ERCC6: variants seen among roughly 807,000 people sequenced by gnomAD.
ERCC6 encodes the protein DNA excision repair protein ERCC-6.
Under a neutral mutation model 158.7 loss-of-function variants are expected in ERCC6, and 116 were observed. The observed-to-expected ratio is 0.73, with a 90% CI of 0.63 to 0.85. The LOEUF (loss-of-function observed/expected upper bound fraction) is 0.85, where lower values mean the gene tolerates loss of function less well. Among genes scored for constraint, ERCC6 ranks in the 40% least tolerant of loss-of-function variants. ERCC6 has a pLI of 0.00. For synonymous variants in ERCC6, 678 were observed against 659.3 expected (o/e 1.03, Z -0.43); for missense variants, 1,698 against 1,799.4 (o/e 0.94, Z 1.02).
At chr10:49,525,912 C>T (rs1345759237) in intron 4 of ERCC6, among the ~76,000 whole-genome samples, 1 of 151,344 alleles carries the variant, frequency 6.6e-6, no homozygotes, top group Non-Finnish European at 1.5e-5. Context: ...ATGTTTGTGC[C>T]CTGTGTCCAC....
In ERCC6 at chr10:49,458,892, G is replaced by A; in HGVS notation, c.4405C>T (p.Leu1469=). The A allele has an allele frequency of 6.2e-7, 1 of 1,614,186 alleles. No individual in the cohort carries two copies. Among genetic ancestry groups the A allele is most frequent in the Non-Finnish European group, 8.5e-7 (1 of 1,180,026 alleles). ...TGGAAAGTGCACAGATTTCTCAATA[G>A]TTCTCGGAAGACACAAGACTGTGAT... ...SASQSCVFRE[L]LRNLCTFHRT... Residue 1469 remains leucine, a synonymous_variant, in exon 21 of 21, where the codon CTA becomes TTA. Coordinates refer to ENST00000355832, the MANE Select transcript of ERCC6 (RefSeq NM_000124.4).
the ERCC6 span, among the ~76,000 whole-genome samples, chr10:49,441,932 C>A: frequency 2.0e-5 from 3 of 152,222 alleles, no homozygotes; most frequent in African/African-American, 7.2e-5. Context: ...AGCAAAACTT[C>A]GTCCTGTGAG....
chr10:49,536,586 T>G (rs1180366031), intron 1 of ERCC6, among the ~76,000 whole-genome samples: 1 of 152,128 alleles, frequency 6.6e-6, no homozygotes, highest in Non-Finnish European at 1.5e-5. Context: ...AAGTTGGCAC[T>G]GGGGCTAAAG....
At chr10:49,527,204 C>A (rs1301502744) in intron 4 of ERCC6, among the ~76,000 whole-genome samples, 1 of 152,140 alleles carries the variant, frequency 6.6e-6, no homozygotes, top group Non-Finnish European at 1.5e-5. Flanking sequence ...TAGCTATTAA[C>A]CCTAAGAGGT....
At position 49,457,418 on chromosome 10, in the gene ERCC6, T is replaced by G. The variant is rs1850500911; in HGVS notation, c.*1397A>C. 1.3e-5 allele frequency: 2 copies of G among 152,240 alleles called. No homozygotes were observed. The highest frequency in any genetic ancestry group is 4.1e-4 in the South Asian group (2 of 4,834). The allele number at this position is 152,240 out of a possible 1,614,324, so 9.4% of individuals were successfully genotyped here. A position where few individuals can be genotyped will look rare whatever the true frequency, so the allele number is the denominator to read the frequency against. On this transcript the variant is annotated 3_prime_UTR_variant, in exon 21 of 21. Coordinates refer to ENST00000355832, the MANE Select transcript of ERCC6 (RefSeq NM_000124.4). ...TAGAACATCTCTAAGAAAAGGATTC[T>G]TGGCTTAAGCAAAATATTAGAGCAG...
chr10:49,524,004 C>T (rs1467949772), intron 5 of ERCC6, 29 bp downstream of exon 5: 2 of 1,610,990 alleles, frequency 1.2e-6, no homozygotes, highest in Admixed American at 1.7e-5. Context: ...GCAAACAGTA[C>T]AATGTATTTA....
chr10:49,515,870 A>G (rs772030276), intron 5 of ERCC6: 16 of 1,614,088 alleles, frequency 9.9e-6, no homozygotes, highest in Non-Finnish European at 1.3e-5. Context: ...CAACACTGTT[A>G]TCATTCCATC....
chr10:49,512,995 C>G (rs1389863289), intron 5 of ERCC6, among the ~76,000 whole-genome samples: 1 of 152,218 alleles, frequency 6.6e-6, no homozygotes, highest in East Asian at 1.9e-4. Context: ...ATTATACACC[C>G]TCCTTCACGG....
In ERCC6 at chr10:49,532,793, C is replaced by T; in HGVS notation, c.172G>A (p.Ala58Thr). 6.2e-7 allele frequency: 1 copy of T among 1,614,230 alleles called. No individual in the cohort carries two copies. The highest frequency in any genetic ancestry group is 8.5e-7 in the Non-Finnish European group (1 of 1,180,036). ...RSVGDGLSTS[A>T]VGCASAAPRR... ...GGAGCTGCTGATGCGCACCCCACAGCAGAGGTGGACAGCCCGTCACCCACA... is the reference window on the plus strand; with the variant it reads ...GGAGCTGCTGATGCGCACCCCACAGTAGAGGTGGACAGCCCGTCACCCACA... Residue 58 changes from alanine to threonine, a missense_variant, in exon 2 of 21, where the codon GCT becomes ACT. Coordinates refer to ENST00000355832, the MANE Select transcript of ERCC6 (RefSeq NM_000124.4).
At chr10:49,459,733 A>G (rs1304072326) in intron 20 of ERCC6, among the ~76,000 whole-genome samples, 3 of 152,192 alleles carry the variant, frequency 2.0e-5, no homozygotes, top group Admixed American at 1.3e-4. Context: ...AAAAAACACA[A>G]ATCTAACTCT....
chr10:49,480,425 A>C (rs182474210), intron 10 of ERCC6, among the ~76,000 whole-genome samples: 9 of 152,354 alleles, frequency 5.9e-5, no homozygotes, highest in African/African-American at 2.2e-4. Context: ...ATACCGGCAC[A>C]CAGACTATCT....
chr10:49,505,777 G>GC, intron 6 of ERCC6, 107 bp downstream of exon 6: 1 of 1,349,654 alleles, frequency 7.4e-7, no homozygotes, highest in Non-Finnish European at 1.0e-6. Context: ...ACAAATTGCT[G>GC]CAAGTACCTT....
chr10:49,522,795 A>G (rs951942971), intron 5 of ERCC6, among the ~76,000 whole-genome samples: 7 of 152,232 alleles, frequency 4.6e-5, no homozygotes, highest in African/African-American at 1.7e-4. Flanking sequence ...ACATTCCTCA[A>G]ACAACTTCAC....
At chr10:49,483,297 T>TA (rs761818774) in intron 9 of ERCC6, 49 bp downstream of exon 9, 42 of 1,568,774 alleles carry the variant, frequency 2.7e-5, no homozygotes, top group Non-Finnish European at 3.7e-5. Flanking sequence ...TATTCTGAAT[T>TA]AATTATTCTT....
At chr10:49,533,141 G>A (rs1475253434) in intron 1 of ERCC6, among the ~76,000 whole-genome samples, 163 bp from the exon 2 acceptor site, 1 of 152,144 alleles carries the variant, frequency 6.6e-6, no homozygotes, top group African/African-American at 2.4e-5. Flanking sequence ...AAGGGACAAC[G>A]TATCTTCTTG....
intron 8 of ERCC6, among the ~76,000 whole-genome samples, chr10:49,490,778 T>G (rs1851162104): frequency 6.6e-6 from 1 of 152,242 alleles, no homozygotes; most frequent in Non-Finnish European, 1.5e-5. Context: ...AGAGAAATTC[T>G]CTTCTCTTCC....
chr10:49,537,236 C>T (rs574041201), intron 1 of ERCC6, among the ~76,000 whole-genome samples: 4 of 151,066 alleles, frequency 2.6e-5, no homozygotes, highest in Non-Finnish European at 4.4e-5. Flanking sequence ...CCCAGCTACT[C>T]GAGAGGCTGG....
chr10:49,461,592 T>C lies in ERCC6; in HGVS notation c.3779-36A>G, dbSNP rs560321213. The C allele has an allele frequency of 5.1e-6, 8 of 1,580,820 alleles. No homozygotes were observed. In the East Asian group the frequency reaches 1.4e-4, roughly 27 times the overall value. On this transcript the variant is annotated intron_variant, in intron 18 of 20. Coordinates refer to ENST00000355832, the MANE Select transcript of ERCC6 (RefSeq NM_000124.4). ...AAGAAATAGCAAAGTGATATTTCAC[T>C]CTGTATGCAAGAAAGACACTTTTCT...
At chr10:49,451,584 G>C (rs188073223), downstream of ERCC6, among the ~76,000 whole-genome samples, 45 of 151,954 alleles carry the variant, frequency 3.0e-4, 1 homozygote, top group East Asian at 4.6e-3. Context: ...ATTTTCACAT[G>C]TTAAGCCAAT....
Sources: gnomAD v4.1 joint callset for allele counts (sites outside exome capture counted in the v4.1 genomes callset) on GRCh38, gnomAD v4.1.1 for gene constraint, MANE v1.5 for transcripts, NCBI Gene and HGNC (gene_info 2026-07-23, HGNC 2026-07-21) for gene names.